The following ANKRD27 variants were observed in gnomAD, a reference collection of about 807,000 sequenced individuals.
The protein encoded by ANKRD27 is ankyrin repeat domain-containing protein 27.
In ANKRD27, 112 loss-of-function variants were observed where a neutral mutation model predicts 129.7. That is an observed-to-expected ratio of 0.86 (90% CI 0.74 to 1.01). The LOEUF (loss-of-function observed/expected upper bound fraction) is 1.01. Among genes scored for constraint, ANKRD27 ranks in the 50% least tolerant of loss-of-function variants. The pLI, the probability that ANKRD27 is intolerant of heterozygous loss-of-function variation, is 0.00. For synonymous variants in ANKRD27, 516 were observed against 511.2 expected (o/e 1.01, Z -0.13); for missense variants, 1,258 against 1,300.5 (o/e 0.97, Z 0.50).
chr19:32,668,295 G>C (rs1967798770), intron 1 of ANKRD27, among the ~76,000 whole-genome samples: 1 of 151,908 alleles, frequency 6.6e-6, no homozygotes, highest in African/African-American at 2.4e-5. Flanking sequence ...CACAATTACG[G>C]GTATGAGCCA....
intron 2 of ANKRD27, among the ~76,000 whole-genome samples, chr19:32,651,595 CTCCTG>C (rs1967417852): frequency 6.6e-6 from 1 of 152,142 alleles, no homozygotes; most frequent in African/African-American, 2.4e-5. Context: ...TGGTCTCGAT[CTCCTG>C]ACCTTGTGAT....
chr19:32,610,249 G>T (rs1438471285), intron 22 of ANKRD27, among the ~76,000 whole-genome samples: 1 of 152,080 alleles, frequency 6.6e-6, no homozygotes, highest in Non-Finnish European at 1.5e-5. Flanking sequence ...GGCAGAGGTT[G>T]CAGTGAGCCG....
rs140221088 is a variant in ANKRD27, at chr19:32,645,927, C to T, written c.370+532G>A. On this transcript the variant is annotated intron_variant, in intron 4 of 28. Coordinates refer to ENST00000306065, the MANE Select transcript of ANKRD27 (RefSeq NM_032139.3). ...CTAGGATTACAAGCGTGAGCCACCA[C>T]GCCCAGCCTACTTTTTATTTTTGAG... 0.014 allele frequency among the ~76,000 whole-genome samples: 2,127 copies of T among 151,584 alleles called. 112 individuals are homozygous for T. The East Asian group carries it at 0.16, about 11-fold the overall frequency.
intron 2 of ANKRD27, among the ~76,000 whole-genome samples, chr19:32,653,133 C>T (rs762155377): frequency 2.0e-5 from 3 of 152,120 alleles, no homozygotes; most frequent in African/African-American, 7.2e-5. Context: ...CCCCATTGAT[C>T]GTGTAACCCT....
chr19:32,646,663 T>TCC, intron 3 of ANKRD27, 48 bp from the exon 4 acceptor site: 1 of 1,590,934 alleles, frequency 6.3e-7, no homozygotes, highest in Non-Finnish European at 8.6e-7. Flanking sequence ...GGCAACCACA[T>TCC]CCCACTCTCA....
At chr19:32,607,934 CGGG>C (rs1971772817) in intron 22 of ANKRD27, 102 bp from the exon 23 acceptor site, 3 of 1,181,446 alleles carry the variant, frequency 2.5e-6, no homozygotes, top group Non-Finnish European at 3.6e-6. Flanking sequence ...ACACACAATG[CGGG>C]ATCATGGCGG....
chr19:32,640,461 C>G, intron 10 of ANKRD27, 76 bp from the exon 11 acceptor site: 1 of 1,252,054 alleles, frequency 8.0e-7, no homozygotes, highest in Non-Finnish European at 1.2e-6. Flanking sequence ...TCCCTACCAC[C>G]GCACACCTTG....
chr19:32,613,917 C>A (rs1246654348), intron 22 of ANKRD27, among the ~76,000 whole-genome samples: 1 of 152,006 alleles, frequency 6.6e-6, no homozygotes, highest in Non-Finnish European at 1.5e-5. Context: ...ACCATGTTAG[C>A]CAGGATGGTC....
rs369453426 is a variant in ANKRD27 at position 32,644,171 on chromosome 19, G to A, written c.525+154C>T. On this transcript the variant is annotated intron_variant, in intron 5 of 28. Transcript: ENST00000306065. Reference sequence around the variant, plus strand: ...AAGACAGGCTTGTACCACCATGCCCGGTTAAACTACTTTTATAGTTAGAGA... The same window carrying A: ...AAGACAGGCTTGTACCACCATGCCCAGTTAAACTACTTTTATAGTTAGAGA... Among the ~76,000 whole-genome samples the A allele has an allele frequency of 7.6e-4, 116 of 152,086 alleles. 3 individuals are homozygous for A. The South Asian group carries it at 0.019, about 25-fold the overall frequency.
At chr19:32,634,780 T>A (rs1967059640) in intron 12 of ANKRD27, among the ~76,000 whole-genome samples, 1 of 152,072 alleles carries the variant, frequency 6.6e-6, no homozygotes, top group South Asian at 2.1e-4. Context: ...CCGTGCGTAG[T>A]GGTGCGTGCC....
chr19:32,634,349 C>G (rs1048850323), intron 12 of ANKRD27, among the ~76,000 whole-genome samples: 10 of 152,232 alleles, frequency 6.6e-5, no homozygotes, highest in African/African-American at 2.2e-4. Flanking sequence ...CCGTCAATTA[C>G]AGGCCACAGT....
At chr19:32,662,993 G>A (rs10424021) in intron 1 of ANKRD27, among the ~76,000 whole-genome samples, 15,473 of 152,138 alleles carry the variant, frequency 0.1, 2,478 homozygotes, top group African/African-American at 0.34. Context: ...AGTGAGCCGA[G>A]ATCACGCCAC....
intron 3 of ANKRD27, among the ~76,000 whole-genome samples, chr19:32,648,014 C>T (rs1022143791): frequency 6.6e-6 from 1 of 152,190 alleles, no homozygotes; most frequent in Non-Finnish European, 1.5e-5. Context: ...GCCTGTAATC[C>T]AAGCACTTTC....
intron 13 of ANKRD27, among the ~76,000 whole-genome samples, chr19:32,630,355 G>A (rs1173263547): frequency 6.6e-6 from 1 of 152,178 alleles, no homozygotes; most frequent in Admixed American, 6.5e-5. Context: ...TCAGCGGCCT[G>A]CCTGTGGCCA....
intron 28 of ANKRD27, among the ~76,000 whole-genome samples, chr19:32,598,865 G>T (rs1203105711): frequency 6.6e-6 from 1 of 152,146 alleles, no homozygotes; most frequent in Non-Finnish European, 1.5e-5. Flanking sequence ...TTGTGTATTT[G>T]TTCCAACAAG....
At chr19:32,667,150 C>T (rs1003263793) in intron 1 of ANKRD27, among the ~76,000 whole-genome samples, 4 of 152,356 alleles carry the variant, frequency 2.6e-5, no homozygotes, top group Middle Eastern at 3.4e-3. Flanking sequence ...GAATTAGAAA[C>T]AGGCACCCGA....
At chr19:32,627,388 TTA>T (rs1966905622) in intron 15 of ANKRD27, among the ~76,000 whole-genome samples, 2 of 59,388 alleles carry the variant, frequency 3.4e-5, no homozygotes, top group Non-Finnish European at 1.3e-4. Context: ...ATTTATTTAT[TTA>T]TTTATTTATT....
intron 15 of ANKRD27, among the ~76,000 whole-genome samples, chr19:32,627,265 C>G (rs868774234): frequency 1.3e-5 from 2 of 152,164 alleles, no homozygotes; most frequent in African/African-American, 4.8e-5. Context: ...AGCATGCAGA[C>G]ACCCCAGACA....
At chr19:32,663,625 A>C (rs77326616) in intron 1 of ANKRD27, among the ~76,000 whole-genome samples, 2,138 of 152,302 alleles carry the variant, frequency 0.014, 48 homozygotes, top group African/African-American at 0.046. Flanking sequence ...TCACACTCCA[A>C]GATCCCACGT....
Sources: gnomAD v4.1 joint callset for allele counts (sites outside exome capture counted in the v4.1 genomes callset) on GRCh38, gnomAD v4.1.1 for gene constraint, MANE v1.5 for transcripts, NCBI Gene and HGNC (gene_info 2026-07-23, HGNC 2026-07-21) for gene names.